The following DMXL2 variants were observed in gnomAD, a reference collection of about 807,000 sequenced individuals.
DMXL2 encodes Dmx like 2.
DMXL2 carries 103 observed loss-of-function variants against 331.1 expected under a neutral mutation model. That is an observed-to-expected ratio of 0.31 (90% CI 0.27 to 0.37). The LOEUF (loss-of-function observed/expected upper bound fraction) is 0.37. DMXL2 is among the 10% of genes least tolerant of loss of function. The pLI is 1.00. For missense variants in DMXL2, 3,171 were observed against 3,642.9 expected (o/e 0.87, Z 3.33); for synonymous variants, 1,281 against 1,252.1 (o/e 1.02, Z -0.49).
chr15:51,607,094 C>T (rs1284434768), intron 1 of DMXL2, among the ~76,000 whole-genome samples: 1 of 150,292 alleles, frequency 6.7e-6, no homozygotes. Context: ...GGAGGTGGAA[C>T]TTGCAGTAAG....
rs1295216091 is a variant in DMXL2, at chr15:51,499,674, T to C, written c.3550A>G (p.Thr1184Ala). Reference sequence around the variant, plus strand: ...AAGATATTCGCACCGACTCCCACTGTAAGAATGTGGGAGCCATCTTCTTTT... The same window carrying C: ...AAGATATTCGCACCGACTCCCACTGCAAGAATGTGGGAGCCATCTTCTTTT... The part of the protein sequence containing the change: ...VSKEDGSHIL[T>A]VGVGANIFMY... The change falls in exon 18 of 44, where the codon ACA (threonine) becomes GCA (alanine). Residue 1184 changes from threonine (T) to alanine (A), a missense_variant. This residue lies in a region of DMXL2 where 1,674 missense variants were observed against 1,780.2 expected (regional missense o/e 0.94). Transcript: ENST00000560891. 6.2e-7 allele frequency: 1 copy of C among 1,614,068 alleles called. No individual in the cohort carries two copies.
chr15:51,498,385 GTCTTT>G (rs2043339597), intron 18 of DMXL2, among the ~76,000 whole-genome samples, 162 bp downstream of exon 18: 2 of 152,230 alleles, frequency 1.3e-5, no homozygotes, highest in Middle Eastern at 3.4e-3. Context: ...GGCCTCAACC[GTCTTT>G]TCTAACTGAG....
rs1480002444 is a variant in DMXL2, at chr15:51,500,284, TA to T, written c.2993-54del. On this transcript the variant is annotated intron_variant, in intron 17 of 43. Transcript: ENST00000560891. ...TTGTAATAATAATAAAGCCACAAAA[TA>T]ATATGGTAGTAATCAAATTCTGGAA... 1.2e-5 allele frequency: 18 copies of T among 1,482,834 alleles called. No individual in the cohort carries two copies. In the East Asian group the frequency reaches 4.2e-4, roughly 35 times the overall value. The allele number at this position is 1,482,834 out of a possible 1,614,324, so 91.9% of individuals were successfully genotyped here. A position where few individuals can be genotyped will look rare whatever the true frequency, so the allele number is the denominator to read the frequency against.
chr15:51,523,211 C>T (rs1839339984), intron 13 of DMXL2, among the ~76,000 whole-genome samples: 1 of 152,110 alleles, frequency 6.6e-6, no homozygotes, highest in Non-Finnish European at 1.5e-5. Context: ...TTAAGAAAAT[C>T]AAAACGATGA....
In DMXL2 at chr15:51,499,736, G is replaced by T. The variant is rs770147032; in HGVS notation, c.3488C>A (p.Pro1163Gln). Residue 1163 changes from proline to glutamine, a missense_variant, in exon 18 of 44, where the codon CCG becomes CAG. Physicochemically the swap from Pro to Gln is moderately conservative, Grantham distance 76 (BLOSUM62 -1). This residue lies in a region of DMXL2 where 1,674 missense variants were observed against 1,780.2 expected (regional missense o/e 0.94). Transcript: ENST00000560891. ...CAAATGTACTAAATGTTTGATATTCGGAATAAGATATCTATCCTTGCTCAA... is the reference window on the plus strand; with the variant it reads ...CAAATGTACTAAATGTTTGATATTCTGAATAAGATATCTATCCTTGCTCAA... ...ALLSKDRYLI[P>Q]NIKHLVHLDW... 1.9e-5 allele frequency: 30 copies of T among 1,613,810 alleles called. No individual in the cohort carries two copies. Among genetic ancestry groups the T allele is most frequent in the Non-Finnish European group, 2.5e-5 (30 of 1,179,998 alleles).
intron 13 of DMXL2, among the ~76,000 whole-genome samples, chr15:51,526,619 T>C (rs1056047965): frequency 6.6e-6 from 1 of 152,150 alleles, no homozygotes; most frequent in African/African-American, 2.4e-5. Flanking sequence ...GAATTCAAAA[T>C]AGCTGTTTTG....
rs2048846805 is a variant in DMXL2 at position 51,545,643 on chromosome 15, G to A, written c.870C>T (p.Ser290=). 1 of 1,613,684 alleles carries A rather than the reference G, an allele frequency of 6.2e-7. No individual in the cohort carries two copies. The change falls in exon 8 of 44, where the codon AGC becomes AGT. Residue 290 remains serine (S), a synonymous_variant. Transcript: ENST00000560891. ...CAGCATGAGAAAGGCTGCTGGCAAT[G>A]CTGGAAGTGGTAGTCTCACAAATCT... is the stretch of plus-strand genomic sequence containing the variant. The part of the protein sequence containing the change: ...GEQICETTTS[S]IASSLSHAGR...
chr15:51,457,380 G>A lies in DMXL2; in HGVS notation c.8285C>T (p.Pro2762Leu), dbSNP rs781774599. ...AGTGCCCAGCCATGGCAGAGATGAAGGTGGATGCACCTGACTTGCTGAATA... is the reference window on the plus strand; with the variant it reads ...AGTGCCCAGCCATGGCAGAGATGAAAGTGGATGCACCTGACTTGCTGAATA... ...TSYSASQVHPPSSLPWLGTGQ... is the reference protein window; with the variant it reads ...TSYSASQVHPLSSLPWLGTGQ... The change falls in exon 37 of 44, where the codon CCT (proline) becomes CTT (leucine). Residue 2762 changes from proline to leucine, a missense_variant. By Grantham distance (98) the Pro-to-Leu change is moderately conservative (BLOSUM62 -3). Around this residue, in one of 7 missense-constraint regions of DMXL2, gnomAD observed 766 missense variants for 940.5 expected, o/e 0.81. Transcript: ENST00000560891. The A allele has an allele frequency of 6.2e-7, 1 of 1,614,208 alleles. No homozygotes were observed. The highest frequency in any genetic ancestry group is 1.7e-4 in the Middle Eastern group (1 of 6,060).
At position 51,465,824 on chromosome 15, in the gene DMXL2, C is replaced by G. The variant is rs927636317; in HGVS notation, c.7521-173G>C. ...GTGGTCACTGAATACAAAAAACTTG[C>G]AATACTATATTACACTTGCTGAAAA... On this transcript the variant is annotated intron_variant, in intron 30 of 43. Transcript: ENST00000560891. Among the ~76,000 whole-genome samples, 9 of 152,282 alleles carry G rather than the reference C, an allele frequency of 5.9e-5. No individual in the cohort carries two copies. The South Asian group carries it at 1.0e-3, about 18-fold the overall frequency.
chr15:51,551,124 A>AG (rs1488574556), intron 6 of DMXL2, among the ~76,000 whole-genome samples: 1 of 151,912 alleles, frequency 6.6e-6, no homozygotes, highest in Non-Finnish European at 1.5e-5. Context: ...AAAAAAAAAA[A>AG]CTGCCCAACA....
chr15:51,540,515 A>G (rs1454866171), intron 9 of DMXL2, among the ~76,000 whole-genome samples: 1 of 152,178 alleles, frequency 6.6e-6, no homozygotes, highest in East Asian at 1.9e-4. Context: ...AGACATATCT[A>G]TACAGGCAGA....
intron 17 of DMXL2, among the ~76,000 whole-genome samples, chr15:51,502,306 TTGTGTGTGTGTGTGTG>T (rs769283309): frequency 7.1e-6 from 1 of 140,556 alleles, no homozygotes; most frequent in Non-Finnish European, 1.5e-5. Context: ...TTTTGTGGGT[TTGTGTGTGTGTGTGTG>T]TGTGTGTGTG....
intron 22 of DMXL2, 22 bp from the exon 23 acceptor site, chr15:51,486,359 C>T (rs781772420): frequency 8.2e-6 from 12 of 1,456,960 alleles, no homozygotes; most frequent in Non-Finnish European, 1.1e-5. Flanking sequence ...AATATTAATA[C>T]TTATCTTACT....
intron 26 of DMXL2, among the ~76,000 whole-genome samples, chr15:51,477,422 G>C (rs1450574833): frequency 6.6e-6 from 1 of 151,920 alleles, no homozygotes; most frequent in Non-Finnish European, 1.5e-5. Context: ...TCATTTAGAT[G>C]ACAACAGTCA....
rs779972688 is a variant in DMXL2 at position 51,622,477 on chromosome 15, G to A, written c.69C>T (p.Val23=). 5 of 1,567,678 alleles carry A rather than the reference G, an allele frequency of 3.2e-6. No homozygotes were observed. In the Admixed American group the frequency reaches 7.4e-5, roughly 23 times the overall value. ...CGCTCACCGTGAAGGGGACATCCCC[G>A]ACGCTGCCCACGGAGTAGCAGTTGT... ...PGDNCYSVGS[V]GDVPFTAYGS... is the part of the protein sequence containing the mutation. Residue 23 remains valine, a synonymous_variant, in exon 1 of 44, where the codon GTC becomes GTT. Transcript: ENST00000560891.
rs943303358 is a variant in DMXL2, at chr15:51,464,725, T to C, written c.7758A>G (p.Pro2586=). 1 of 1,614,068 alleles carries C rather than the reference T, an allele frequency of 6.2e-7. No homozygotes were observed. Among genetic ancestry groups the C allele is most frequent in the African/African-American group, 1.3e-5 (1 of 74,946 alleles). The change falls in exon 32 of 44, where the codon CCA becomes CCG. Residue 2586 remains proline (P), a synonymous_variant. Coordinates refer to ENST00000560891, the MANE Select transcript of DMXL2 (RefSeq NM_001378457.1). ...YPTDLSVGAG[P]AILRNKAMLE... ...GCATTGCTTTATTTCGAAGAATAGC[T>C]GGTCCAGCTCCCACTGAAAGGTCAG...
chr15:51,552,132 G>A (rs11638240), intron 6 of DMXL2, among the ~76,000 whole-genome samples: 58,355 of 152,100 alleles, frequency 0.38, 12,966 homozygotes, highest in Non-Finnish European at 0.49. Flanking sequence ...CATCAGTGTC[G>A]TAGGCATTAA....
At chr15:51,562,367 C>T (rs2050024829) in intron 6 of DMXL2, among the ~76,000 whole-genome samples, 1 of 152,002 alleles carries the variant, frequency 6.6e-6, no homozygotes, top group Admixed American at 6.5e-5. Context: ...TGTTTTTTCC[C>T]ATTCACCTTT....
At chr15:51,601,644 T>A (rs1041443554) in intron 1 of DMXL2, among the ~76,000 whole-genome samples, 2 of 152,232 alleles carry the variant, frequency 1.3e-5, no homozygotes, top group African/African-American at 4.8e-5. Context: ...CATCTCACTA[T>A]CTTAATGACT....
Sources: allele counts gnomAD v4.1 joint callset (sites outside exome capture counted in the v4.1 genomes callset), GRCh38; gene constraint gnomAD v4.1.1; regional missense constraint gnomAD v4.1.1; transcripts MANE v1.5; gene names NCBI Gene and HGNC (gene_info 2026-07-23, HGNC 2026-07-21).